NLGN4X: variants seen among roughly 807,000 people sequenced by gnomAD.
NLGN4X encodes the protein neuroligin 4 X-linked.
NLGN4X carries 3 observed loss-of-function variants against 40.3 expected under a neutral mutation model. The observed-to-expected ratio is 0.07, with a 90% CI of 0.03 to 0.19. The LOEUF (loss-of-function observed/expected upper bound fraction) is 0.19. NLGN4X is among the 10% of genes least tolerant of loss of function. The pLI, the probability that NLGN4X is intolerant of heterozygous loss-of-function variation, is 1.00. For synonymous variants in NLGN4X, 270 were observed against 306.8 expected (o/e 0.88, Z 1.25); for missense variants, 382 against 708.3 (o/e 0.54, Z 5.23).
rs776114171 is a variant in NLGN4X at position 5,990,232 on chromosome X, T to C, written c.625+39048A>G. Reference sequence around the variant, plus strand: ...CAACTGAAAAACATTATAACTGACATAATAATGTTAAAAAGACCAAGAAAG... The same window carrying C: ...CAACTGAAAAACATTATAACTGACACAATAATGTTAAAAAGACCAAGAAAG... On this transcript the variant is annotated intron_variant, in intron 3 of 5. Transcript: ENST00000381095. 6.3e-5 allele frequency among the ~76,000 whole-genome samples: 7 copies of C among 110,495 alleles called. No homozygotes were observed. The East Asian group carries it at 1.7e-3, about 27-fold the overall frequency.
At chrX:6,146,067 A>G (rs1318552809) in intron 2 of NLGN4X, among the ~76,000 whole-genome samples, 1 of 107,789 alleles carries the variant, frequency 9.3e-6, no homozygotes, top group Non-Finnish European at 1.9e-5. Flanking sequence ...GGGAGCTATG[A>G]GTGCACCATT....
chrX:5,971,332 C>G (rs909624701), intron 3 of NLGN4X, among the ~76,000 whole-genome samples: 1 of 110,780 alleles, frequency 9.0e-6, no homozygotes, highest in Non-Finnish European at 1.9e-5. Flanking sequence ...TACTAAATTT[C>G]AAGCCTGTGT....
In NLGN4X at chrX:6,151,799, T is replaced by C. The variant is rs191805493; in HGVS notation, c.-305-28A>G. 1,175 of 307,973 alleles carry C rather than the reference T, an allele frequency of 3.8e-3. 7 individuals carry two copies. Among genetic ancestry groups the C allele is most frequent in the African/African-American group, 0.022 (807 of 37,514 alleles). 25.4% of individuals were successfully genotyped at this position (307,973 alleles called of 1,213,427 possible). A position where few individuals can be genotyped will look rare whatever the true frequency, so the allele number is the denominator to read the frequency against. On this transcript the variant is annotated intron_variant, in intron 1 of 5. Transcript: ENST00000381095. ...AAAAGAGGAAGAAAGCAGACAAGAA[T>C]AATGAAGCCACACAACGACCACCTA...
chrX:6,122,332 G>T (rs550395375), intron 2 of NLGN4X, among the ~76,000 whole-genome samples: 1 of 111,534 alleles, frequency 9.0e-6, no homozygotes, highest in Non-Finnish European at 1.9e-5. Flanking sequence ...TCTGCCTCCC[G>T]GGTTCAAGTG....
At chrX:6,086,912 G>A (rs2038511191) in intron 2 of NLGN4X, among the ~76,000 whole-genome samples, 1 of 111,410 alleles carries the variant, frequency 9.0e-6, no homozygotes, top group Admixed American at 9.5e-5. Context: ...GCAGTCACAG[G>A]TGTGACTCAC....
chrX:6,109,519 A>G (rs1330365187), intron 2 of NLGN4X, among the ~76,000 whole-genome samples: 1 of 112,245 alleles, frequency 8.9e-6, no homozygotes, highest in Non-Finnish European at 1.9e-5. Context: ...GTAGCAGTAT[A>G]TTAACTAATC....
chrX:6,181,625 G>C (rs756275042), intron 1 of NLGN4X, among the ~76,000 whole-genome samples: 1 of 111,189 alleles, frequency 9.0e-6, no homozygotes, highest in Non-Finnish European at 1.9e-5. Flanking sequence ...ATAGCCAAAG[G>C]GCTCAGTGCT....
chrX:5,960,857 G>T lies in NLGN4X; in HGVS notation c.626-51618C>A, dbSNP rs5961388. Among the ~76,000 whole-genome samples, 950 of 111,273 alleles carry T rather than the reference G, an allele frequency of 8.5e-3. 9 individuals are homozygous for T. Among genetic ancestry groups the T allele is most frequent in the African/African-American group, 0.03 (918 of 30,679 alleles). On this transcript the variant is annotated intron_variant, in intron 3 of 5. Coordinates refer to ENST00000381095, the MANE Select transcript of NLGN4X (RefSeq NM_181332.3). ...CATTTTTAGGGCAAGGTTCTAGCAA[G>T]TTCGTGAATGTTATACTTCACCACC...
intron 4 of NLGN4X, among the ~76,000 whole-genome samples, chrX:5,906,742 G>A (rs907047018): frequency 9.0e-6 from 1 of 110,995 alleles, no homozygotes; most frequent in Non-Finnish European, 1.9e-5. Context: ...TCAAACTCCT[G>A]GGCTCAAGCC....
At chrX:6,154,795 T>C (rs1316245125) in intron 1 of NLGN4X, among the ~76,000 whole-genome samples, 4 of 112,002 alleles carry the variant, frequency 3.6e-5, no homozygotes, top group Non-Finnish European at 7.5e-5. Flanking sequence ...TATCTCAGAA[T>C]GGCATTTTGA....
intron 2 of NLGN4X, among the ~76,000 whole-genome samples, chrX:6,072,014 G>T (rs1383981990): frequency 9.0e-6 from 1 of 110,564 alleles, no homozygotes; most frequent in Non-Finnish European, 1.9e-5. Flanking sequence ...AGCAAGCTCG[G>T]GTTCTTTTTT....
chrX:6,112,618 C>G (rs2039178455), intron 2 of NLGN4X, among the ~76,000 whole-genome samples: 1 of 103,102 alleles, frequency 9.7e-6, no homozygotes, highest in African/African-American at 3.6e-5. Flanking sequence ...GAGTCTCGCT[C>G]TATCACCCAG....
intron 2 of NLGN4X, among the ~76,000 whole-genome samples, chrX:6,138,207 T>C (rs554406551): frequency 3.6e-5 from 4 of 112,197 alleles, no homozygotes; most frequent in Non-Finnish European, 7.5e-5. Context: ...GCTCAATATA[T>C]ATAAGCCAAG....
chrX:6,224,999 TATATATATATATACAC>T (rs1462603926), intron 1 of NLGN4X, among the ~76,000 whole-genome samples: 12 of 53,821 alleles, frequency 2.2e-4, no homozygotes, highest in African/African-American at 8.4e-4. Context: ...TATATATATA[TATATATATATATACAC>T]ACACACACAC....
chrX:6,110,226 C>G (rs2039117581), intron 2 of NLGN4X, among the ~76,000 whole-genome samples: 2 of 111,705 alleles, frequency 1.8e-5, no homozygotes, highest in African/African-American at 6.5e-5. Flanking sequence ...CTCACAGGTA[C>G]AAAGCCAATC....
At chrX:6,165,751 T>C (rs930222061) in intron 1 of NLGN4X, among the ~76,000 whole-genome samples, 3 of 111,510 alleles carry the variant, frequency 2.7e-5, no homozygotes, top group Admixed American at 9.5e-5. Flanking sequence ...ACCTTTCCTC[T>C]ACACAATTCT....
rs1052530608 is a variant in NLGN4X at position 6,204,162 on chromosome X, T to C, written c.-306+24379A>G. ...GAAGGAAGAAAAGATGTTGTATGCA[T>C]GGTTTCTCAGTCTTTAAAGGAAGAA... On this transcript the variant is annotated intron_variant, in intron 1 of 5. Transcript: ENST00000381095. Among the ~76,000 whole-genome samples the C allele has an allele frequency of 1.1e-4, 12 of 112,385 alleles. No homozygotes were observed. The East Asian group carries it at 3.4e-3, about 31-fold the overall frequency.
chrX:6,096,616 T>C (rs1468960308), intron 2 of NLGN4X, among the ~76,000 whole-genome samples: 1 of 111,963 alleles, frequency 8.9e-6, no homozygotes, highest in Non-Finnish European at 1.9e-5. Flanking sequence ...TATGTCATTA[T>C]GTGAGAAATT....
intron 2 of NLGN4X, among the ~76,000 whole-genome samples, chrX:6,043,455 G>C (rs1159711793): frequency 9.0e-6 from 1 of 110,968 alleles, no homozygotes; most frequent in Non-Finnish European, 1.9e-5. Context: ...TGAGATTGTG[G>C]AAAAGTTTGC....
Sources: allele counts gnomAD v4.1 joint callset (sites outside exome capture counted in the v4.1 genomes callset), GRCh38; gene constraint gnomAD v4.1.1; transcripts MANE v1.5; gene names NCBI Gene and HGNC (gene_info 2026-07-23, HGNC 2026-07-21).